Variants in RIF1 observed in about 807,000 individuals in gnomAD.
RIF1 encodes the protein telomere-associated protein RIF1.
In RIF1, 45 loss-of-function variants were observed where a neutral mutation model predicts 247.1. The observed-to-expected ratio is 0.18, with a 90% CI of 0.14 to 0.23. The LOEUF is 0.23. Among genes scored for constraint, RIF1 ranks in the 10% least tolerant of loss-of-function variants. The pLI, the probability that RIF1 is intolerant of heterozygous loss-of-function variation, is 1.00. For missense variants in RIF1, 2,967 were observed against 2,862.5 expected (o/e 1.04, Z -0.83); for synonymous variants, 1,087 against 978.8 (o/e 1.11, Z -2.06).
chr2:151,506,365 G>A (rs958551467), exon 13 of RIF1: 8 of 818,268 alleles, frequency 9.8e-6, no homozygotes, highest in East Asian at 2.4e-5. Flanking sequence ...GACACTAGAC[G>A]ATGTTCCCAG....
chr2:151,533,400 ACTT>A, the RIF1 span: 6 of 1,346,286 alleles, frequency 4.5e-6, no homozygotes, highest in East Asian at 5.0e-5. Context: ...TGCATCCAAG[ACTT>A]CTTCTAAACC....
chr2:151,468,128 T>C lies in RIF1; in HGVS notation c.6729T>C (p.Ser2243=), dbSNP rs560592561. 2.5e-6 allele frequency: 4 copies of C among 1,612,712 alleles called. No individual in the cohort carries two copies. Among genetic ancestry groups the C allele is most frequent in the East Asian group, 2.2e-5 (1 of 44,828 alleles). ...SSPIGKSVKT[S]PTTQSKHNTT... The stretch of plus-strand genomic sequence containing the variant: ...CCATAGGAAAAAGTGTTAAAACTTC[T>C]CCTACTACACAATCTAAGGTAAGCT... The change falls in exon 31 of 36, where the codon TCT becomes TCC. Residue 2243 remains serine (S), a synonymous_variant. Coordinates refer to ENST00000444746, the MANE Select transcript of RIF1 (RefSeq NM_018151.5).
At chr2:151,518,832 A>G in the RIF1 span, 1 of 627,856 alleles carries the variant, frequency 1.6e-6, no homozygotes, top group Non-Finnish European at 2.9e-6. Flanking sequence ...TTGGAAGAAT[A>G]CACTCAAATG....
At chr2:151,426,856 A>T (rs1340849386) in intron 8 of RIF1, among the ~76,000 whole-genome samples, 1 of 151,892 alleles carries the variant, frequency 6.6e-6, no homozygotes, top group Non-Finnish European at 1.5e-5. Flanking sequence ...CATGTTGGCC[A>T]GGCTGGTCTC....
intron 33 of RIF1, among the ~76,000 whole-genome samples, chr2:151,469,203 G>A (rs997170914): frequency 3.9e-5 from 6 of 152,118 alleles, no homozygotes; most frequent in Admixed American, 3.3e-4. Flanking sequence ...TTTAAGTCTT[G>A]GAAACTTAAA....
At position 151,457,885 on chromosome 2, in the gene RIF1, A is replaced by G. The variant is rs1574097070; in HGVS notation, c.2777A>G (p.Gln926Arg). ...LCIIFLHKNK[Q>R]IRKQSAQFWN... ...ATAATATTTCTGCACAAGAATAAAC[A>G]GATTCGAAAACAGAGTGCTCAGTTC... The change falls in exon 24 of 36, where the codon CAG (glutamine) becomes CGG (arginine). Residue 926 changes from glutamine (Q) to arginine (R), a missense_variant. Gln to Arg is a conservative substitution (Grantham distance 43). Coordinates refer to ENST00000444746, the MANE Select transcript of RIF1 (RefSeq NM_018151.5). The G allele has an allele frequency of 6.2e-7, 1 of 1,613,954 alleles. No individual in the cohort carries two copies. Among genetic ancestry groups the G allele is most frequent in the Non-Finnish European group, 8.5e-7 (1 of 1,179,898 alleles).
Position 151,466,064 on chromosome 2 carries a change from T to C in RIF1, c.6544T>C (p.Leu2182=). The C allele has an allele frequency of 6.2e-7, 1 of 1,609,722 alleles. No individual in the cohort carries two copies. Among genetic ancestry groups the C allele is most frequent in the Non-Finnish European group, 8.5e-7 (1 of 1,177,444 alleles). The change falls in exon 30 of 36, where the codon TTA becomes CTA. Residue 2182 remains leucine, a synonymous_variant. Transcript: ENST00000444746. The part of the protein sequence containing the change: ...SPLASPSTSI[L]KRGLKRSQED... ...TTTGGCTTCTCCGTCTACGAGCATTTTAAAGAGAGGACTAAAAAGATCCCA... is the reference window on the plus strand; with the variant it reads ...TTTGGCTTCTCCGTCTACGAGCATTCTAAAGAGAGGACTAAAAAGATCCCA...
chr2:151,453,016 A>C (rs1191858061), intron 21 of RIF1, among the ~76,000 whole-genome samples: 1 of 152,208 alleles, frequency 6.6e-6, no homozygotes, highest in East Asian at 1.9e-4. Context: ...GGAAATTGTT[A>C]TTATCAGGAT....
chr2:151,519,735 C>T, the RIF1 span: 10 of 1,612,634 alleles, frequency 6.2e-6, no homozygotes, highest in Middle Eastern at 1.7e-4. Context: ...GGTGTCTTGC[C>T]CTTTTCTTTA....
At chr2:151,515,206 G>A in the RIF1 span, among the ~76,000 whole-genome samples, 1 of 152,134 alleles carries the variant, frequency 6.6e-6, no homozygotes, top group African/African-American at 2.4e-5. Context: ...GTGGAAGGAT[G>A]GATGCACCAT....
chr2:151,489,990 G>C, intron 9 of RIF1: 2 of 1,605,638 alleles, frequency 1.2e-6, no homozygotes, highest in Non-Finnish European at 1.7e-6. Flanking sequence ...AGATGGATGA[G>C]ATGGGATGGA....
chr2:151,445,828 T>G (rs143768083), intron 19 of RIF1, among the ~76,000 whole-genome samples: 1 of 152,184 alleles, frequency 6.6e-6, no homozygotes, highest in African/African-American at 2.4e-5. Context: ...CGTGAGCCAC[T>G]GTGCCCAGCC....
chr2:151,418,623 C>T lies in RIF1; in HGVS notation c.504-1567C>T, dbSNP rs1687616995. On this transcript the variant is annotated intron_variant, in intron 6 of 35. Coordinates refer to ENST00000444746, the MANE Select transcript of RIF1 (RefSeq NM_018151.5). ...TTAGCTTTGGCTCACACCTGTAATC[C>T]CAGAACTTTGGGAGGCCCAGGTGGG... Among the ~76,000 whole-genome samples the T allele has an allele frequency of 4.0e-5, 6 of 151,236 alleles. No homozygotes were observed. In the South Asian group the frequency reaches 1.3e-3, roughly 32 times the overall value.
intron 31 of RIF1, 83 bp downstream of exon 31, chr2:151,468,229 T>C (rs542695006): frequency 1.7e-4 from 224 of 1,295,972 alleles, no homozygotes; most frequent in Non-Finnish European, 2.2e-4. Context: ...ATGAACTATA[T>C]ATGTGAAAAA....
intron 11 of RIF1, among the ~76,000 whole-genome samples, 193 bp downstream of exon 11, chr2:151,435,773 T>G (rs1162083581): frequency 1.3e-5 from 2 of 151,942 alleles, no homozygotes; most frequent in Admixed American, 6.6e-5. Flanking sequence ...TTTTGTTTTT[T>G]TTTTTTAATA....
At chr2:151,460,847 A>G (rs1200727838) in intron 26 of RIF1, among the ~76,000 whole-genome samples, 1 of 152,190 alleles carries the variant, frequency 6.6e-6, no homozygotes, top group Non-Finnish European at 1.5e-5. Context: ...CCTCCTGCCA[A>G]ATCAGTTCAT....
the RIF1 span, chr2:151,525,180 C>T: frequency 3.1e-6 from 5 of 1,613,520 alleles, no homozygotes; most frequent in African/African-American, 1.3e-5. Context: ...TGCTTCTTGG[C>T]CACTTCCATA....
downstream of RIF1, among the ~76,000 whole-genome samples, chr2:151,509,365 A>G (rs1012701208): frequency 1.3e-5 from 2 of 152,178 alleles, no homozygotes; most frequent in African/African-American, 4.8e-5. Flanking sequence ...AATAGAAACA[A>G]TCGTCCTTTT....
rs767404419 is a variant in RIF1 at position 151,503,441 on chromosome 2, C to A, written c.*861+256C>A. The A allele has an allele frequency of 1.9e-6, 3 of 1,595,566 alleles. No homozygotes were observed. In the East Asian group the frequency reaches 6.7e-5, roughly 36 times the overall value. ...GTTCCCAAGTTTTCTTTGTACATAA[C>A]CTGTAGAAAATAATTAGAATACCCA... On this transcript the variant is annotated intron_variant and NMD_transcript_variant, in intron 12 of 13. Transcript: ENST00000454583.
Sources: allele counts gnomAD v4.1 joint callset (sites outside exome capture counted in the v4.1 genomes callset), GRCh38; gene constraint gnomAD v4.1.1; transcripts MANE v1.5; gene names NCBI Gene and HGNC (gene_info 2026-07-23, HGNC 2026-07-21).